RALGPS1: variants seen among roughly 807,000 people sequenced by gnomAD.
The protein encoded by RALGPS1 is ras-specific guanine nucleotide-releasing factor RalGPS1.
RALGPS1 carries 19 observed loss-of-function variants against 78.8 expected under a neutral mutation model. The ratio of observed to expected loss-of-function variants is 0.24; its 90% CI spans 0.17 to 0.35. The LOEUF (loss-of-function observed/expected upper bound fraction) is 0.35. Ranked by LOEUF, RALGPS1 falls within the 10% of genes least tolerant of loss-of-function variation. The pLI, the probability that RALGPS1 is intolerant of heterozygous loss-of-function variation, is 1.00. For missense variants in RALGPS1, 454 were observed against 688.3 expected (o/e 0.66, Z 3.81); for synonymous variants, 228 against 256.3 (o/e 0.89, Z 1.06).
At chr9:127,034,915 C>G (rs2046739590) in intron 5 of RALGPS1, among the ~76,000 whole-genome samples, 1 of 152,146 alleles carries the variant, frequency 6.6e-6, no homozygotes, top group Admixed American at 6.5e-5. Flanking sequence ...GTGTGGTCTT[C>G]ACAGCCCAGA....
intron 4 of RALGPS1, among the ~76,000 whole-genome samples, chr9:126,987,749 C>T (rs980501796): frequency 6.6e-6 from 1 of 150,422 alleles, no homozygotes; most frequent in Non-Finnish European, 1.5e-5. Context: ...GTCAGCTCTG[C>T]CTTCACTCAT....
At chr9:127,073,935 G>A (rs1401519239) in intron 8 of RALGPS1, among the ~76,000 whole-genome samples, 1 of 152,154 alleles carries the variant, frequency 6.6e-6, no homozygotes, top group Non-Finnish European at 1.5e-5. Context: ...AGGCTGGAGT[G>A]CAGTGGCGCC....
At chr9:126,946,204 T>A (rs918213546) in intron 1 of RALGPS1, among the ~76,000 whole-genome samples, 2 of 151,978 alleles carry the variant, frequency 1.3e-5, no homozygotes, top group Non-Finnish European at 2.9e-5. Context: ...TTCCAGACAA[T>A]GTTGCCTGCT....
chr9:127,196,575 C>T lies in RALGPS1; in HGVS notation c.1139C>T (p.Pro380Leu). 2 of 1,614,042 alleles carry T rather than the reference C, an allele frequency of 1.2e-6. No individual in the cohort carries two copies. The highest frequency in any genetic ancestry group is 1.7e-6 in the Non-Finnish European group (2 of 1,179,932). Residue 380 changes from proline to leucine, a missense_variant, in exon 13 of 19, where the codon CCC becomes CTC. By Grantham distance (98) the Pro-to-Leu change is moderately conservative. Coordinates refer to ENST00000259351, the MANE Select transcript of RALGPS1 (RefSeq NM_014636.3). ...GACAGTGTCCTAGAGTCCCGCAGCC[C>T]CCGAAGGGGCCTGGCTCTGACCTCC... ...LDDSVLESRS[P>L]RRGLALTSSS...
chr9:127,086,023 G>A (rs546203549), intron 8 of RALGPS1, among the ~76,000 whole-genome samples: 1 of 152,288 alleles, frequency 6.6e-6, no homozygotes, highest in East Asian at 1.9e-4. Flanking sequence ...CCAGCAGTCT[G>A]ACTTCAAGCC....
chr9:126,989,522 C>G (rs891569880), intron 4 of RALGPS1, among the ~76,000 whole-genome samples: 1 of 152,034 alleles, frequency 6.6e-6, no homozygotes, highest in Admixed American at 6.5e-5. Flanking sequence ...CCAGAACATC[C>G]CCAGTATCTA....
chr9:126,992,858 G>A (rs185684002), intron 4 of RALGPS1, among the ~76,000 whole-genome samples: 1,740 of 152,314 alleles, frequency 0.011, 11 homozygotes, highest in Non-Finnish European at 0.019. Flanking sequence ...GGATGCTATT[G>A]TTTCTTTTTC....
At chr9:127,029,349 C>T (rs977351261) in intron 4 of RALGPS1, among the ~76,000 whole-genome samples, 1 of 152,160 alleles carries the variant, frequency 6.6e-6, no homozygotes, top group African/African-American at 2.4e-5. Flanking sequence ...CAGGGTGTTT[C>T]AGAACTCCTT....
intron 4 of RALGPS1, among the ~76,000 whole-genome samples, chr9:126,980,155 T>C (rs1018366784): frequency 1.3e-5 from 2 of 152,232 alleles, no homozygotes; most frequent in Admixed American, 6.5e-5. Context: ...TTGCTGATGT[T>C]ATTATCATTA....
intron 4 of RALGPS1, among the ~76,000 whole-genome samples, chr9:126,982,727 C>T (rs2041365004): frequency 6.6e-6 from 1 of 151,260 alleles, no homozygotes; most frequent in East Asian, 2.0e-4. Flanking sequence ...GTCTTCTTGC[C>T]TCTCAGTTCC....
intron 8 of RALGPS1, among the ~76,000 whole-genome samples, chr9:127,076,651 C>T (rs753453313): frequency 1.3e-5 from 2 of 152,186 alleles, no homozygotes; most frequent in Non-Finnish European, 2.9e-5. Context: ...AAGAAGTGAT[C>T]ATTGGTCAAA....
intron 5 of RALGPS1, among the ~76,000 whole-genome samples, chr9:127,046,515 C>G (rs187762202): frequency 6.6e-6 from 1 of 151,994 alleles, no homozygotes; most frequent in Non-Finnish European, 1.5e-5. Flanking sequence ...TTATTGATTT[C>G]GATTCCTCCA....
At chr9:126,965,549 G>C (rs969917601) in intron 2 of RALGPS1, among the ~76,000 whole-genome samples, 14 of 152,194 alleles carry the variant, frequency 9.2e-5, no homozygotes, top group Admixed American at 9.2e-4. Flanking sequence ...TTACTTTCTG[G>C]CTTTCCCTTT....
intron 1 of RALGPS1, among the ~76,000 whole-genome samples, chr9:126,917,453 GA>G (rs1199505310): frequency 2.0e-5 from 3 of 152,190 alleles, no homozygotes; most frequent in Non-Finnish European, 4.4e-5. Context: ...CCCACCTCTT[GA>G]AATGGATTTT....
At chr9:127,090,603 A>G (rs2052350704) in intron 8 of RALGPS1, among the ~76,000 whole-genome samples, 1 of 152,228 alleles carries the variant, frequency 6.6e-6, no homozygotes, top group African/African-American at 2.4e-5. Flanking sequence ...CTTAGTATGT[A>G]GGTTCCAGGG....
intron 8 of RALGPS1, among the ~76,000 whole-genome samples, chr9:127,152,088 G>T (rs567224962): frequency 6.6e-6 from 1 of 151,104 alleles, no homozygotes; most frequent in African/African-American, 2.4e-5. Context: ...TCTTTCCATC[G>T]CATCCACCCG....
chr9:126,988,610 T>G, intron 4 of RALGPS1, among the ~76,000 whole-genome samples: 1 of 152,080 alleles, frequency 6.6e-6, no homozygotes, highest in Admixed American at 6.5e-5. Flanking sequence ...GTGGACAGAT[T>G]TGTATTTTAA....
chr9:127,216,843 C>A, intron 18 of RALGPS1: 1 of 1,413,438 alleles, frequency 7.1e-7, no homozygotes, highest in Non-Finnish European at 9.3e-7. Flanking sequence ...TGGGGTCCCT[C>A]AGTAGCTCTG....
At chr9:127,054,096 C>A (rs1363989705) in intron 7 of RALGPS1, among the ~76,000 whole-genome samples, 2 of 152,176 alleles carry the variant, frequency 1.3e-5, no homozygotes, top group Non-Finnish European at 2.9e-5. Context: ...TCCACCAGAG[C>A]AGCTCTGTTT....
Sources: gnomAD v4.1 joint callset for allele counts (sites outside exome capture counted in the v4.1 genomes callset) on GRCh38, gnomAD v4.1.1 for gene constraint, MANE v1.5 for transcripts, NCBI Gene and HGNC (gene_info 2026-07-23, HGNC 2026-07-21) for gene names.